The following AHRR variants were observed in gnomAD, a reference collection of about 807,000 sequenced individuals.
AHRR encodes the protein ahR repressor.
In AHRR, 28 loss-of-function variants were observed where a neutral mutation model predicts 44.0. The observed-to-expected ratio is 0.64, with a 90% CI of 0.47 to 0.87. The LOEUF (loss-of-function observed/expected upper bound fraction) is 0.87, where lower values mean the gene tolerates loss of function less well. AHRR is among the 40% of genes least tolerant of loss of function. The probability of loss-of-function intolerance (pLI) is 0.00; values close to 1 mark genes in which losing one functional copy is unlikely to be tolerated. For synonymous variants in AHRR, 434 were observed against 407.0 expected (o/e 1.07, Z -0.80); for missense variants, 990 against 953.9 (o/e 1.04, Z -0.50).
intron 10 of AHRR, 95 bp downstream of exon 10, chr5:433,042 TAAA>T (rs1219015375): frequency 4.3e-6 from 6 of 1,385,990 alleles, no homozygotes; most frequent in Admixed American, 6.0e-5. Flanking sequence ...AGAAGAAAAA[TAAA>T]AAAGACGACA....
At chr5:340,690 T>TATATA (rs1560881649) in intron 1 of AHRR, among the ~76,000 whole-genome samples, 1 of 15,638 alleles carries the variant, frequency 6.4e-5, no homozygotes, top group African/African-American at 3.2e-4. Flanking sequence ...ATATATATAT[T>TATATA]TTTTTTTTTT....
Position 406,896 on chromosome 5 carries a change from C to A in AHRR, c.352-6448C>A, listed in dbSNP as rs1735279023. Among the ~76,000 whole-genome samples, 1 of 152,140 alleles carries A rather than the reference C, an allele frequency of 6.6e-6. No individual in the cohort carries two copies. Among genetic ancestry groups the A allele is most frequent in the Non-Finnish European group, 1.5e-5 (1 of 68,024 alleles). On this transcript the variant is annotated intron_variant, in intron 4 of 10. Transcript: ENST00000684583. This position sits in a 1 kb window ranked among gnomAD's most constrained non-coding sequence, Gnocchi z 4.7. The stretch of plus-strand genomic sequence containing the variant: ...TTGCAGATGATCCTGATCAAACAGG[C>A]AATAATAACAAAGTTTCTTAATAGG...
chr5:385,168 TA>T, intron 4 of AHRR, among the ~76,000 whole-genome samples: 1 of 152,114 alleles, frequency 6.6e-6, no homozygotes, highest in Non-Finnish European at 1.5e-5. Context: ...ATGTGTCTTT[TA>T]TTTATCGTTT....
intron 1 of AHRR, among the ~76,000 whole-genome samples, chr5:341,771 C>T (rs548608882): frequency 1.5e-4 from 23 of 152,150 alleles, no homozygotes; most frequent in Non-Finnish European, 2.5e-4. Flanking sequence ...TTTATCTTCT[C>T]TTCTAGTTAC....
At chr5:323,253 A>G (rs1177193007) in intron 1 of AHRR, among the ~76,000 whole-genome samples, 1 of 152,204 alleles carries the variant, frequency 6.6e-6, no homozygotes, top group Non-Finnish European at 1.5e-5. Flanking sequence ...TCACAGGGGC[A>G]TTTCTGTGGG....
chr5:415,734 T>TGGTGGG (rs1468171596), intron 5 of AHRR, among the ~76,000 whole-genome samples: 1 of 131,596 alleles, frequency 7.6e-6, no homozygotes, highest in African/African-American at 2.6e-5. Context: ...CTAGGGGCTG[T>TGGTGGG]GCAGAGCAGC....
intron 1 of AHRR, among the ~76,000 whole-genome samples, chr5:328,603 T>G (rs1231722582): frequency 2.0e-5 from 3 of 152,132 alleles, no homozygotes; most frequent in Non-Finnish European, 2.9e-5. Flanking sequence ...CTCATTGTTG[T>G]TTTATTTTGC....
Position 405,726 on chromosome 5 carries a change from G to A in AHRR, c.352-7618G>A, listed in dbSNP as rs561908143. On this transcript the variant is annotated intron_variant, in intron 4 of 10. Coordinates refer to ENST00000684583, the MANE Select transcript of AHRR (RefSeq NM_001377236.1). This position sits in a 1 kb window ranked among gnomAD's most constrained non-coding sequence, Gnocchi z 4.5. ...CACCAGCTCCTCCGCTCTCTCCATC[G>A]GTCGTAACATCTTACTGCTCCCCTC... Among the ~76,000 whole-genome samples, 10 of 152,338 alleles carry A rather than the reference G, an allele frequency of 6.6e-5. No homozygotes were observed. In the East Asian group the frequency reaches 1.5e-3, roughly 24 times the overall value.
chr5:379,050 C>T (rs1231173980), intron 4 of AHRR, among the ~76,000 whole-genome samples: 3 of 152,210 alleles, frequency 2.0e-5, no homozygotes, highest in Admixed American at 1.3e-4. Context: ...GCAGTCACAG[C>T]CCCCTGCCCC....
At chr5:373,376 G>A (rs1743644533) in intron 3 of AHRR, among the ~76,000 whole-genome samples, 1 of 152,224 alleles carries the variant, frequency 6.6e-6, no homozygotes, top group Admixed American at 6.5e-5. Flanking sequence ...CCAGCAGGCC[G>A]GGCGGTGGCT....
chr5:381,773 C>T (rs1221484816), intron 4 of AHRR, among the ~76,000 whole-genome samples: 2 of 152,152 alleles, frequency 1.3e-5, no homozygotes, highest in African/African-American at 2.4e-5. Context: ...CTTGGCCTCC[C>T]AAAGTGCTGG....
At chr5:422,184 A>G (rs1736157855) in intron 5 of AHRR, among the ~76,000 whole-genome samples, 1 of 152,134 alleles carries the variant, frequency 6.6e-6, no homozygotes, top group Non-Finnish European at 1.5e-5. Context: ...CTGTCGCCAG[A>G]CATGGACCCT....
chr5:334,970 T>C (rs1742070641), intron 1 of AHRR, among the ~76,000 whole-genome samples: 1 of 152,132 alleles, frequency 6.6e-6, no homozygotes, highest in Non-Finnish European at 1.5e-5. Flanking sequence ...TTAGCAGTGT[T>C]AGTGGTATCT....
rs1560926827 is a variant in AHRR, at chr5:433,872, C to T, written c.1132C>T (p.His378Tyr). The T allele has an allele frequency of 6.6e-7, 1 of 1,506,920 alleles. No individual in the cohort carries two copies. Among genetic ancestry groups the T allele is most frequent in the Non-Finnish European group, 8.8e-7 (1 of 1,130,968 alleles). The allele number at this position is 1,506,920 out of a possible 1,614,324, so 93.3% of individuals were successfully genotyped here. A position where few individuals can be genotyped will look rare whatever the true frequency, so the allele number is the denominator to read the frequency against. ...CTGCAGGGACAGGGAGGAGGAGCAG[C>T]ACAGGATGCTGAGCAGGGCCTCTGG... The part of the protein sequence containing the change: ...GGSGDREEEQ[H>Y]RMLSRASGVT... The change falls in exon 11 of 11, where the codon CAC (histidine) becomes TAC (tyrosine). Residue 378 changes from histidine to tyrosine, a missense_variant. Coordinates refer to ENST00000684583, the MANE Select transcript of AHRR (RefSeq NM_001377236.1).
chr5:389,622 G>A (rs1048209068), intron 4 of AHRR, among the ~76,000 whole-genome samples: 1 of 152,046 alleles, frequency 6.6e-6, no homozygotes, highest in East Asian at 1.9e-4. Context: ...CCTGGACACC[G>A]AGCCCGGGCC....
chr5:345,370 CTG>C (rs1742611966), intron 2 of AHRR, among the ~76,000 whole-genome samples: 1 of 40,500 alleles, frequency 2.5e-5, no homozygotes, highest in East Asian at 6.1e-4. Flanking sequence ...ATGTCCCTGG[CTG>C]TGTGTGGGGA....
At chr5:426,825 A>G (rs1268860099) in intron 7 of AHRR, among the ~76,000 whole-genome samples, 1 of 144,548 alleles carries the variant, frequency 6.9e-6, no homozygotes, top group Non-Finnish European at 1.5e-5. Flanking sequence ...TGGGAATATG[A>G]TGGATGGGTG....
intron 5 of AHRR, among the ~76,000 whole-genome samples, chr5:417,372 G>A (rs955927983): frequency 3.2e-4 from 48 of 149,926 alleles, no homozygotes; most frequent in African/African-American, 1.1e-3. Context: ...GGCTTGGTCC[G>A]TATGTGCAGG....
chr5:380,828 G>A (rs1013460285), intron 4 of AHRR, among the ~76,000 whole-genome samples: 1 of 152,194 alleles, frequency 6.6e-6, no homozygotes, highest in Non-Finnish European at 1.5e-5. Flanking sequence ...TGGCTTACAT[G>A]ATCACAGAGA....
Sources: gnomAD v4.1 joint callset for allele counts (sites outside exome capture counted in the v4.1 genomes callset) on GRCh38, gnomAD v4.1.1 for gene constraint, Gnocchi (gnomAD v3.1) non-coding constraint, MANE v1.5 for transcripts, NCBI Gene and HGNC (gene_info 2026-07-23, HGNC 2026-07-21) for gene names.